Variants in RDX observed in about 807,000 individuals in gnomAD.
RDX encodes radixin, also known as deafness, autosomal recessive 24.
RDX carries 32 observed loss-of-function variants against 83.7 expected under a neutral mutation model. The ratio of observed to expected loss-of-function variants is 0.38; its 90% CI spans 0.29 to 0.51. RDX has a LOEUF of 0.51. Ranked by LOEUF, RDX falls within the 20% of genes least tolerant of loss-of-function variation. The pLI, the probability that RDX is intolerant of heterozygous loss-of-function variation, is 0.87. For missense variants in RDX, 600 were observed against 689.9 expected, an observed-to-expected ratio of 0.87 and a Z score of 1.46; for synonymous variants, 229 against 222.7, an observed-to-expected ratio of 1.03 and a Z score of -0.25.
chr11:110,216,057 A>G (rs1864040181), intron 14 of RDX, among the ~76,000 whole-genome samples: 1 of 152,148 alleles, frequency 6.6e-6, no homozygotes, highest in Non-Finnish European at 1.5e-5. Flanking sequence ...TCTGGTAGCA[A>G]TGTTTTTGTC....
chr11:110,241,075 A>AGG (rs1163295523), intron 10 of RDX, among the ~76,000 whole-genome samples: 1 of 134,028 alleles, frequency 7.5e-6, no homozygotes, highest in Non-Finnish European at 1.6e-5. Context: ...AAAAAAAAAA[A>AGG]GGGGCGGGGG....
intron 15 of RDX, chr11:110,196,278 T>C (rs926472408): frequency 6.6e-6 from 1 of 152,230 alleles, no homozygotes; most frequent in Non-Finnish European, 1.5e-5. Flanking sequence ...TGAATGTCTT[T>C]GCACATTTTG....
At chr11:110,244,445 A>G (rs1387430331) in intron 10 of RDX, among the ~76,000 whole-genome samples, 1 of 151,074 alleles carries the variant, frequency 6.6e-6, no homozygotes, top group African/African-American at 2.4e-5. Flanking sequence ...ATATTATGTT[A>G]AACAAAAGAA....
rs1466379081 is a variant in RDX at position 110,231,798 on chromosome 11, T to G, written c.*71A>C. 2 of 1,563,632 alleles carry G rather than the reference T, an allele frequency of 1.3e-6. No individual in the cohort carries two copies. Among genetic ancestry groups the G allele is most frequent in the East Asian group, 4.5e-5 (2 of 44,624 alleles). ...TGGCAAGGTGGGATGCATTCCATCA[T>G]ATCTGCAAAGGCCTGCTTTTCTCTG... On this transcript the variant is annotated 3_prime_UTR_variant, in exon 14 of 14. Transcript: ENST00000645495.
At chr11:110,179,987 C>T (rs1205738127) in intron 15 of RDX, 6 of 360,356 alleles carry the variant, frequency 1.7e-5, no homozygotes, top group East Asian at 7.6e-5. Flanking sequence ...CTGCAACCTC[C>T]GCCTCACAGG....
In RDX at chr11:110,231,729, A is replaced by C. The variant is rs1864643864; in HGVS notation, c.*140T>G. 3.3e-6 allele frequency: 3 copies of C among 896,012 alleles called. No individual in the cohort carries two copies. Among genetic ancestry groups the C allele is most frequent in the Non-Finnish European group, 3.7e-6 (2 of 540,416 alleles). The allele number at this position is 896,012 out of a possible 1,614,324, so 55.5% of individuals were successfully genotyped here. ...GCCTTAATGTTGAAGAGCTCCCCTT[A>C]AATTTGTCTTTTAGCTAGCACAGTC... On this transcript the variant is annotated 3_prime_UTR_variant, in exon 14 of 14. Transcript: ENST00000645495.
At chr11:110,199,034 C>T (rs1055529639) in intron 15 of RDX, among the ~76,000 whole-genome samples, 6 of 152,156 alleles carry the variant, frequency 3.9e-5, no homozygotes, top group Admixed American at 2.6e-4. Flanking sequence ...AGGCTAGTCT[C>T]GAACTCCTGA....
At chr11:110,205,722 C>T (rs1259902937) in intron 14 of RDX, among the ~76,000 whole-genome samples, 1 of 152,080 alleles carries the variant, frequency 6.6e-6, no homozygotes, top group Admixed American at 6.6e-5. Context: ...CCTATCAAAT[C>T]GGCAGAAATT....
intron 15 of RDX, among the ~76,000 whole-genome samples, chr11:110,187,843 G>C (rs1863017367): frequency 6.6e-6 from 1 of 152,242 alleles, no homozygotes; most frequent in African/African-American, 2.4e-5. Context: ...AAAAAAGAGA[G>C]CTTCTTCCGG....
intron 10 of RDX, among the ~76,000 whole-genome samples, chr11:110,239,707 AGGACTTTGGGATTT>A (rs141401029): frequency 0.037 from 5,704 of 152,232 alleles, 175 homozygotes; most frequent in Non-Finnish European, 0.052. Context: ...TGTAAATCCC[AGGACTTTGGGATTT>A]ACAAAAATTA....
chr11:110,219,804 T>C (rs1204352348), intron 14 of RDX, among the ~76,000 whole-genome samples: 1 of 152,198 alleles, frequency 6.6e-6, no homozygotes, highest in Non-Finnish European at 1.5e-5. Flanking sequence ...AAACTGGAAA[T>C]GTTATGTAGA....
intron 5 of RDX, among the ~76,000 whole-genome samples, chr11:110,263,731 A>G (rs972456764): frequency 4.0e-5 from 6 of 151,608 alleles, no homozygotes; most frequent in Admixed American, 1.3e-4. Flanking sequence ...TAGCGGACAT[A>G]ATGGCATGTG....
At chr11:110,292,348 T>C (rs1038699228) in intron 1 of RDX, among the ~76,000 whole-genome samples, 2 of 151,638 alleles carry the variant, frequency 1.3e-5, no homozygotes, top group Non-Finnish European at 2.9e-5. Context: ...TGTTGGCAGC[T>C]ACTAGGGAGA....
chr11:110,271,392 G>A (rs187477573), intron 3 of RDX, among the ~76,000 whole-genome samples: 14 of 152,172 alleles, frequency 9.2e-5, no homozygotes, highest in South Asian at 6.2e-4. Context: ...AAAAGTGTAC[G>A]TGAAGTTTAT....
chr11:110,208,737 A>C (rs1245270105), intron 14 of RDX, among the ~76,000 whole-genome samples: 2 of 152,162 alleles, frequency 1.3e-5, no homozygotes, highest in Non-Finnish European at 2.9e-5. Context: ...CAGGCGGATC[A>C]CTTGAGGCCA....
intron 1 of RDX, among the ~76,000 whole-genome samples, chr11:110,284,268 C>T (rs2134434953): frequency 6.6e-6 from 1 of 152,224 alleles, no homozygotes; most frequent in South Asian, 2.1e-4. Flanking sequence ...ATATTTCTCC[C>T]CCCAAACTAA....
rs112350919 is a variant in RDX at position 110,191,901 on chromosome 11, C to T, written c.*31+7680G>A. 7.9e-4 allele frequency among the ~76,000 whole-genome samples: 120 copies of T among 152,044 alleles called. 1 individual carries two copies. The highest frequency in any genetic ancestry group is 2.7e-3 in the African/African-American group (114 of 41,504). On this transcript the variant is annotated intron_variant, in intron 15 of 15. Transcript: ENST00000528498. The stretch of plus-strand genomic sequence containing the variant: ...TAAATCATAGATGATCCAAACAAAG[C>T]GAAAAACATTCCATGCTTATGGATA...
At chr11:110,253,382 C>A (rs1480345032) in intron 9 of RDX, among the ~76,000 whole-genome samples, 2 of 152,142 alleles carry the variant, frequency 1.3e-5, no homozygotes, top group Non-Finnish European at 2.9e-5. Context: ...ATTAATGTCA[C>A]TGGACCCAGT....
intron 3 of RDX, 72 bp downstream of exon 3, chr11:110,272,464 A>G: frequency 9.9e-7 from 1 of 1,012,756 alleles, no homozygotes; most frequent in South Asian, 1.3e-5. Context: ...AGTACAGAAA[A>G]ACAGAGAAAG....
Sources: gnomAD v4.1 joint callset for allele counts (sites outside exome capture counted in the v4.1 genomes callset) on GRCh38, gnomAD v4.1.1 for gene constraint, MANE v1.5 for transcripts, NCBI Gene and HGNC (gene_info 2026-07-23, HGNC 2026-07-21) for gene names.